Variants in TBC1D22A observed in about 807,000 individuals in gnomAD.
The protein encoded by TBC1D22A is TBC1 domain family member 22A.
Under a neutral mutation model 60.2 loss-of-function variants are expected in TBC1D22A, and 38 were observed. That is an observed-to-expected ratio of 0.63 (90% CI 0.49 to 0.83). The LOEUF is 0.83. Among genes scored for constraint, TBC1D22A ranks in the 40% least tolerant of loss-of-function variants. The pLI is 0.00. For missense variants in TBC1D22A, 628 were observed against 701.0 expected (o/e 0.90, Z 1.18); for synonymous variants, 302 against 281.7 (o/e 1.07, Z -0.72).
chr22:46,962,295 A>G (rs1374279954), intron 8 of TBC1D22A, among the ~76,000 whole-genome samples: 1 of 152,248 alleles, frequency 6.6e-6, no homozygotes, highest in Non-Finnish European at 1.5e-5. Context: ...AAAGAATGTG[A>G]ATTAGATCTC....
chr22:47,058,725 G>T (rs571546334), intron 11 of TBC1D22A, among the ~76,000 whole-genome samples: 2 of 152,118 alleles, frequency 1.3e-5, no homozygotes, highest in Non-Finnish European at 2.9e-5. Flanking sequence ...CACCAGGCTC[G>T]CTGAGGCCCA....
chr22:47,131,860 C>T (rs367868100), intron 12 of TBC1D22A, among the ~76,000 whole-genome samples: 7 of 152,330 alleles, frequency 4.6e-5, no homozygotes, highest in South Asian at 2.1e-4. Flanking sequence ...CCGGGGCGCC[C>T]GCCCCGTCCA....
chr22:46,904,323 G>A (rs2069283895), intron 7 of TBC1D22A, among the ~76,000 whole-genome samples: 1 of 126,954 alleles, frequency 7.9e-6, no homozygotes, highest in African/African-American at 3.9e-5. Flanking sequence ...TCTTATAACA[G>A]GCTTTCAGTG....
chr22:47,173,365 C>T (rs2068566464), intron 12 of TBC1D22A, 133 bp from the exon 13 acceptor site: 3 of 1,232,586 alleles, frequency 2.4e-6, no homozygotes, highest in Non-Finnish European at 2.3e-6. Context: ...TCCAGTTTTC[C>T]TGGATCACCC....
rs544800903 is a variant in TBC1D22A at position 46,847,066 on chromosome 22, A to C, written c.638-31587A>C. On this transcript the variant is annotated intron_variant, in intron 4 of 12. Coordinates refer to ENST00000337137, the MANE Select transcript of TBC1D22A (RefSeq NM_014346.5). ...ATCAGCCTTCCTTATCGGCTGTGCA[A>C]CTAATGATCTTTGGTCAATTGGGAC... 2.9e-4 allele frequency among the ~76,000 whole-genome samples: 44 copies of C among 152,306 alleles called. 1 individual carries two copies. In the East Asian group the frequency reaches 6.8e-3, roughly 23 times the overall value.
At chr22:47,075,715 A>G (rs780698094) in intron 11 of TBC1D22A, among the ~76,000 whole-genome samples, 2 of 152,236 alleles carry the variant, frequency 1.3e-5, no homozygotes, top group African/African-American at 2.4e-5. Flanking sequence ...AGTTATTTAA[A>G]TAAATGTAAA....
At chr22:47,043,356 G>A (rs1035063093) in intron 11 of TBC1D22A, among the ~76,000 whole-genome samples, 3 of 152,198 alleles carry the variant, frequency 2.0e-5, no homozygotes, top group African/African-American at 7.2e-5. Context: ...CGACGGGCAC[G>A]AGGTCAGGGC....
intron 4 of TBC1D22A, among the ~76,000 whole-genome samples, chr22:46,810,818 G>A (rs1291733123): frequency 6.6e-6 from 1 of 152,098 alleles, no homozygotes; most frequent in Non-Finnish European, 1.5e-5. Context: ...CCTTCTAGAC[G>A]CCCCATGGTG....
rs1480074047 is a variant in TBC1D22A at position 46,787,458 on chromosome 22, T to A, written c.63-5062T>A. Among the ~76,000 whole-genome samples, 3 of 152,186 alleles carry A rather than the reference T, an allele frequency of 2.0e-5. No homozygotes were observed. In the East Asian group the frequency reaches 5.8e-4, roughly 29 times the overall value. On this transcript the variant is annotated intron_variant, in intron 1 of 12. Coordinates refer to ENST00000337137, the MANE Select transcript of TBC1D22A (RefSeq NM_014346.5). ...ACCAGAGTAGCTCTGCCTTTACCTG[T>A]TTGGCATTTCCATGTAACATTTCTT...
chr22:47,014,213 C>G (rs1032385500), intron 10 of TBC1D22A, among the ~76,000 whole-genome samples: 7 of 152,242 alleles, frequency 4.6e-5, no homozygotes, highest in Admixed American at 2.0e-4. Context: ...TTTGCTTTCT[C>G]AGGCCCCTGT....
chr22:46,879,786 A>G (rs1386336322), intron 5 of TBC1D22A, among the ~76,000 whole-genome samples: 1 of 152,210 alleles, frequency 6.6e-6, no homozygotes. Context: ...TTTTCTATTT[A>G]TTAAGGATGT....
At chr22:46,914,909 G>A (rs1205016997) in intron 8 of TBC1D22A, 1 of 162,884 alleles carries the variant, frequency 6.1e-6, no homozygotes, top group Admixed American at 5.6e-5. Context: ...CTGCTGTAGG[G>A]ACCTGTCCCC....
chr22:47,144,444 G>C (rs891956052), intron 12 of TBC1D22A, among the ~76,000 whole-genome samples: 6 of 152,194 alleles, frequency 3.9e-5, no homozygotes, highest in African/African-American at 7.2e-5. Context: ...CCCCACTTTG[G>C]GGGGCCCTGA....
At chr22:47,035,323 T>G (rs979673263) in intron 10 of TBC1D22A, among the ~76,000 whole-genome samples, 5 of 152,082 alleles carry the variant, frequency 3.3e-5, no homozygotes, top group East Asian at 1.9e-4. Context: ...GGTGGGGGTG[T>G]GGGTGCCTCT....
At chr22:46,951,749 A>C (rs1181296643) in intron 8 of TBC1D22A, among the ~76,000 whole-genome samples, 1 of 152,236 alleles carries the variant, frequency 6.6e-6, no homozygotes, top group Non-Finnish European at 1.5e-5. Context: ...ATTTATAACC[A>C]GTGGAATTTG....
At chr22:47,004,999 C>T (rs1236100628) in intron 10 of TBC1D22A, among the ~76,000 whole-genome samples, 1 of 151,748 alleles carries the variant, frequency 6.6e-6, no homozygotes, top group African/African-American at 2.4e-5. Flanking sequence ...ACATACATGC[C>T]TTTATACACA....
At chr22:47,082,031 G>A (rs2064488327) in intron 11 of TBC1D22A, among the ~76,000 whole-genome samples, 1 of 152,150 alleles carries the variant, frequency 6.6e-6, no homozygotes, top group South Asian at 2.1e-4. Flanking sequence ...GGTGACGCAT[G>A]CCTGTAGTCC....
chr22:47,022,275 A>G (rs1347562214), intron 10 of TBC1D22A, among the ~76,000 whole-genome samples: 2 of 152,226 alleles, frequency 1.3e-5, no homozygotes, highest in African/African-American at 4.8e-5. Flanking sequence ...GGAAAAAAAT[A>G]TGTGAAACAA....
rs78313773 is a variant in TBC1D22A at position 46,817,271 on chromosome 22, T to C, written c.637+19651T>C. Among the ~76,000 whole-genome samples the C allele has an allele frequency of 2.6e-5, 4 of 151,982 alleles. No homozygotes were observed. In the East Asian group the frequency reaches 7.7e-4, roughly 29 times the overall value. ...GATACTAGGTTGTCCTTTTTTTTTT[T>C]CTTTATTCCTTCTAAAAAAAATCTG... On this transcript the variant is annotated intron_variant, in intron 4 of 12. Transcript: ENST00000337137.
Sources: gnomAD v4.1 joint callset for allele counts (sites outside exome capture counted in the v4.1 genomes callset) on GRCh38, gnomAD v4.1.1 for gene constraint, MANE v1.5 for transcripts, NCBI Gene and HGNC (gene_info 2026-07-23, HGNC 2026-07-21) for gene names.